The following EPS15L1 variants were observed in gnomAD, a reference collection of about 807,000 sequenced individuals.
The protein encoded by EPS15L1 is epidermal growth factor receptor substrate 15-like 1.
Under a neutral mutation model 117.1 loss-of-function variants are expected in EPS15L1, and 43 were observed. The observed-to-expected ratio is 0.37, with a 90% confidence interval of 0.29 to 0.47. The LOEUF (loss-of-function observed/expected upper bound fraction) is 0.47. Ranked by LOEUF, EPS15L1 falls within the 20% of genes least tolerant of loss-of-function variation. The pLI, the probability that EPS15L1 is intolerant of heterozygous loss-of-function variation, is 0.99. For synonymous variants in EPS15L1, 459 were observed against 470.5 expected, an observed-to-expected ratio of 0.98 and a Z score of 0.32; for missense variants, 981 against 1,164.0, an observed-to-expected ratio of 0.84 and a Z score of 2.29.
chr19:16,376,273 A>G (rs1374708187), intron 22 of EPS15L1, among the ~76,000 whole-genome samples: 1 of 152,184 alleles, frequency 6.6e-6, no homozygotes, highest in Non-Finnish European at 1.5e-5. Context: ...GGAACAGGCA[A>G]TGACCGGGTA....
chr19:16,441,178 A>G, intron 3 of EPS15L1: 1 of 496,934 alleles, frequency 2.0e-6, no homozygotes, highest in Non-Finnish European at 3.7e-6. Context: ...CCCCAACTAA[A>G]GTCCGCAAGT....
chr19:16,364,704 G>A (rs967134218), intron 22 of EPS15L1, among the ~76,000 whole-genome samples: 2 of 152,208 alleles, frequency 1.3e-5, no homozygotes, highest in Non-Finnish European at 2.9e-5. Flanking sequence ...CTGGCGGGCG[G>A]GGGTCAAGTG....
intron 23 of EPS15L1, 169 bp downstream of exon 23, chr19:16,361,610 T>G: frequency 7.5e-7 from 1 of 1,335,746 alleles, no homozygotes; most frequent in South Asian, 2.2e-5. Context: ...GAGAAACTGT[T>G]TTTCTTACAG....
chr19:16,417,589 G>C lies in EPS15L1; in HGVS notation c.1156C>G (p.Leu386Val). The change falls in exon 12 of 24, where the codon CTT becomes GTT. Residue 386 changes from leucine to valine, a missense_variant. Around this residue, in one of 5 missense-constraint regions of EPS15L1, gnomAD observed 819 missense variants for 949.0 expected, o/e 0.86. Transcript: ENST00000455140. ...GSGEFTGVKE[L>V]DDISQEIAQL... ...GCAATCTCTTGACTGATGTCATCAA[G>C]CTCCTTCACGCCAGTAAACTCCCCG... is the stretch of plus-strand genomic sequence containing the variant. The C allele has an allele frequency of 6.2e-7, 1 of 1,614,170 alleles. No homozygotes were observed. The highest frequency in any genetic ancestry group is 2.2e-5 in the East Asian group (1 of 44,886).
At chr19:16,432,936 CTGG>C (rs1236680787) in intron 7 of EPS15L1, among the ~76,000 whole-genome samples, 3 of 151,724 alleles carry the variant, frequency 2.0e-5, no homozygotes, top group African/African-American at 7.3e-5. Flanking sequence ...TCTAGAGTAG[CTGG>C]GACTACAGTC....
chr19:16,363,105 C>A (rs534974916), intron 22 of EPS15L1, among the ~76,000 whole-genome samples: 26 of 152,146 alleles, frequency 1.7e-4, no homozygotes, highest in Admixed American at 2.6e-4. Context: ...ACGGGAGGTC[C>A]CACCTGACGG....
intron 1 of EPS15L1, among the ~76,000 whole-genome samples, chr19:16,455,274 T>C (rs1170818060): frequency 6.6e-6 from 1 of 151,896 alleles, no homozygotes; most frequent in East Asian, 1.9e-4. Flanking sequence ...TGCACCACCA[T>C]GTGTGGCTAA....
At position 16,371,993 on chromosome 19, in the gene EPS15L1, A is replaced by G. The variant is rs537344511; in HGVS notation, c.2380+5129T>C. On this transcript the variant is annotated intron_variant, in intron 22 of 23. Transcript: ENST00000455140. This position sits in a 1 kb window ranked among gnomAD's most constrained non-coding sequence, Gnocchi z 4.7. Reference sequence around the variant, plus strand: ...GAAAGAAACCAGTTTCTTCTGCCCAAAACAGACACCTGCTGGTTATTTAAT... The same window carrying G: ...GAAAGAAACCAGTTTCTTCTGCCCAGAACAGACACCTGCTGGTTATTTAAT... Among the ~76,000 whole-genome samples, 1 of 152,290 alleles carries G rather than the reference A, an allele frequency of 6.6e-6. No homozygotes were observed. Among genetic ancestry groups the G allele is most frequent in the African/African-American group, 2.4e-5 (1 of 41,558 alleles).
At chr19:16,377,296 A>T (rs747940312) in intron 21 of EPS15L1, 42 bp from the exon 22 acceptor site, 4 of 1,607,172 alleles carry the variant, frequency 2.5e-6, no homozygotes, top group South Asian at 1.1e-5. Context: ...ATAGTTGTTA[A>T]AACAAAGGTG....
intron 1 of EPS15L1, among the ~76,000 whole-genome samples, chr19:16,470,865 T>C (rs1384574591): frequency 6.6e-6 from 1 of 152,188 alleles, no homozygotes; most frequent in Non-Finnish European, 1.5e-5. Flanking sequence ...TGCTAGGCAC[T>C]GTTCTAAGCG....
At chr19:16,372,574 A>G (rs1012972924) in intron 22 of EPS15L1, among the ~76,000 whole-genome samples, 4 of 152,176 alleles carry the variant, frequency 2.6e-5, no homozygotes, top group African/African-American at 4.8e-5. Flanking sequence ...TCACAGGGAG[A>G]AAAGGGCCCA....
At chr19:16,445,791 C>G in intron 1 of EPS15L1, among the ~76,000 whole-genome samples, 1 of 152,102 alleles carries the variant, frequency 6.6e-6, no homozygotes, top group East Asian at 1.9e-4. Flanking sequence ...AGAGAGGGGA[C>G]GCACCAGGGG....
chr19:16,416,268 G>A (rs1174365224), intron 12 of EPS15L1, among the ~76,000 whole-genome samples: 1 of 152,126 alleles, frequency 6.6e-6, no homozygotes, highest in Non-Finnish European at 1.5e-5. Flanking sequence ...TTCCCACAGA[G>A]GGCAAAGCAC....
In EPS15L1 at chr19:16,421,133, G is replaced by C. The variant is rs548860938; in HGVS notation, c.950+186C>G. ...CAGTGAACTGACCGTCACGGAGCGC[G>C]GGCTTCGAGCCTTGGCACGTGCACC... On this transcript the variant is annotated intron_variant, in intron 10 of 23. Transcript: ENST00000455140. Among the ~76,000 whole-genome samples, 6 of 152,364 alleles carry C rather than the reference G, an allele frequency of 3.9e-5. No individual in the cohort carries two copies. The South Asian group carries it at 1.0e-3, about 26-fold the overall frequency.
At chr19:16,439,042 T>G (rs1045542853) in intron 4 of EPS15L1, among the ~76,000 whole-genome samples, 1 of 151,628 alleles carries the variant, frequency 6.6e-6, no homozygotes, top group Non-Finnish European at 1.5e-5. Flanking sequence ...CTCAGTGGAC[T>G]TGTGAGGGAT....
At chr19:16,387,308 A>G (rs1459102419) in intron 19 of EPS15L1, among the ~76,000 whole-genome samples, 2 of 152,260 alleles carry the variant, frequency 1.3e-5, no homozygotes, top group African/African-American at 4.8e-5. Context: ...TACTAAAAAT[A>G]CAAAAATTGG....
rs1262105341 is a variant in EPS15L1, at chr19:16,425,244, G to T, written c.631C>A (p.Pro211Thr). The T allele has an allele frequency of 6.3e-7, 1 of 1,594,666 alleles. No individual in the cohort carries two copies. Among genetic ancestry groups the T allele is most frequent in the Non-Finnish European group, 8.6e-7 (1 of 1,163,052 alleles). The change falls in exon 9 of 24, where the codon CCC (proline) becomes ACC (threonine). Residue 211 changes from proline to threonine, a missense_variant. By Grantham distance (38) the Pro-to-Thr change is conservative. Around this residue, in one of 5 missense-constraint regions of EPS15L1, gnomAD observed 819 missense variants for 949.0 expected, o/e 0.86. Transcript: ENST00000455140. ...PSALPPSLIP[P>T]SKRKKTVFPG... Reference sequence around the variant, plus strand: ...AACACAGTCTTCTTTCTCTTGGAGGGTGGGATGAGGGACGGGGGCAGGGCG... The same window carrying T: ...AACACAGTCTTCTTTCTCTTGGAGGTTGGGATGAGGGACGGGGGCAGGGCG...
rs1276805015 is a variant in EPS15L1 at position 16,434,656 on chromosome 19, T to C, written c.373-166A>G. 4.3e-6 allele frequency: 3 copies of C among 695,858 alleles called. No individual in the cohort carries two copies. The African/African-American group carries it at 5.4e-5, about 12-fold the overall frequency. 43.1% of individuals were successfully genotyped at this position (695,858 alleles called of 1,614,324 possible). On this transcript the variant is annotated intron_variant, in intron 6 of 23. Transcript: ENST00000455140. ...AGTCTTGGCCCCTTGGTTTCCAAAG[T>C]GAACATATACCCTGAAGGAAATAAC... is the stretch of plus-strand genomic sequence containing the variant.
intron 13 of EPS15L1, among the ~76,000 whole-genome samples, chr19:16,408,573 T>C (rs2092678912): frequency 6.6e-6 from 1 of 151,170 alleles, no homozygotes; most frequent in Non-Finnish European, 1.5e-5. Flanking sequence ...GGCAGGACAA[T>C]CACTTGAACC....
Sources: allele counts gnomAD v4.1 joint callset (sites outside exome capture counted in the v4.1 genomes callset), GRCh38; gene constraint gnomAD v4.1.1; regional missense constraint gnomAD v4.1.1; non-coding constraint Gnocchi (gnomAD v3.1); transcripts MANE v1.5; gene names NCBI Gene and HGNC (gene_info 2026-07-23, HGNC 2026-07-21).